TOP2A: variants seen among roughly 807,000 people sequenced by gnomAD.
TOP2A encodes the protein DNA topoisomerase 2-alpha.
A neutral mutation model predicts 187.2 loss-of-function variants in TOP2A; 68 were observed. The observed-to-expected ratio is 0.36, with a 90% CI of 0.30 to 0.44. The LOEUF (loss-of-function observed/expected upper bound fraction) is 0.44, where lower values mean the gene tolerates loss of function less well. Ranked by LOEUF, TOP2A falls within the 20% of genes least tolerant of loss-of-function variation. The pLI is 1.00. For missense variants in TOP2A, 1,196 were observed against 1,808.7 expected (o/e 0.66, Z 6.14); for synonymous variants, 542 against 593.2 (o/e 0.91, Z 1.25).
Position 40,388,864 on chromosome 17 carries a change from A to G in TOP2A, c.*655T>C, listed in dbSNP as rs1476149384. ...CAGAGGGGACAGGTCAAGAGCTGAAATAATCACATAACTACTCTAATTTTC... is the reference window on the plus strand; with the variant it reads ...CAGAGGGGACAGGTCAAGAGCTGAAGTAATCACATAACTACTCTAATTTTC... On this transcript the variant is annotated 3_prime_UTR_variant, in exon 35 of 35. Coordinates refer to ENST00000423485, the MANE Select transcript of TOP2A (RefSeq NM_001067.4). 3 of 200,250 alleles carry G rather than the reference A, an allele frequency of 1.5e-5. No homozygotes were observed. The East Asian group carries it at 2.3e-4, about 15-fold the overall frequency. 12.4% of individuals were successfully genotyped at this position (200,250 alleles called of 1,614,324 possible). A position where few individuals can be genotyped will look rare whatever the true frequency, so the allele number is the denominator to read the frequency against.
At chr17:40,391,993 G>C in intron 32 of TOP2A, 75 bp downstream of exon 32, 1 of 1,466,180 alleles carries the variant, frequency 6.8e-7, no homozygotes, top group South Asian at 1.3e-5. Flanking sequence ...GGATAATGTA[G>C]CCAGGATTAG....
At chr17:40,393,948 C>T (rs557085328) in intron 29 of TOP2A, among the ~76,000 whole-genome samples, 35 of 151,258 alleles carry the variant, frequency 2.3e-4, no homozygotes, top group Non-Finnish European at 4.3e-4. Flanking sequence ...CCCAGCTCCT[C>T]GGGAGGCTGA....
rs191853044 is a variant in TOP2A at position 40,389,023 on chromosome 17, T to C, written c.*496A>G. 1.4e-3 allele frequency: 305 copies of C among 216,140 alleles called. 1 individual carries two copies. The highest frequency in any genetic ancestry group is 2.0e-3 in the Non-Finnish European group (214 of 106,424). The allele number at this position is 216,140 out of a possible 1,614,324, so 13.4% of individuals were successfully genotyped here. ...AAAACTTGGCACATAAGAGGCTGAG[T>C]GTAGTAGAGTATCTGTACTAGAACC... On this transcript the variant is annotated 3_prime_UTR_variant, in exon 35 of 35. Coordinates refer to ENST00000423485, the MANE Select transcript of TOP2A (RefSeq NM_001067.4).
In TOP2A at chr17:40,392,340, T is replaced by C. The variant is rs768606988; in HGVS notation, c.3966A>G (p.Thr1322=). 2 of 1,582,630 alleles carry C rather than the reference T, an allele frequency of 1.3e-6. No individual in the cohort carries two copies. The highest frequency in any genetic ancestry group is 2.3e-5 in the South Asian group (2 of 87,426). Residue 1322 remains threonine, a splice_region_variant and synonymous_variant, in exon 31 of 35, where the codon ACA becomes ACG. Coordinates refer to ENST00000423485, the MANE Select transcript of TOP2A (RefSeq NM_001067.4). ...PRETEPRRAA[T]KTKFTMDLDS... ...CCAAATCCATTGTGAATTTTGTTTTTGCTAGTAAAAAAACCATATACAAAA... is the reference window on the plus strand; with the variant it reads ...CCAAATCCATTGTGAATTTTGTTTTCGCTAGTAAAAAAACCATATACAAAA...
intron 16 of TOP2A, among the ~76,000 whole-genome samples, chr17:40,405,195 T>C (rs1311958595): frequency 6.6e-6 from 1 of 151,094 alleles, no homozygotes; most frequent in Non-Finnish European, 1.5e-5. Context: ...AGTTTCACTC[T>C]TGTGGAATGT....
At chr17:40,401,138 C>G in intron 20 of TOP2A, 57 bp from the exon 21 acceptor site, 1 of 1,452,284 alleles carries the variant, frequency 6.9e-7, no homozygotes, top group East Asian at 2.4e-5. Flanking sequence ...TCACACTTAA[C>G]TTTTATGGAA....
chr17:40,392,207 A>T lies in TOP2A; in HGVS notation c.4088+11T>A. The T allele has an allele frequency of 6.2e-7, 1 of 1,613,140 alleles. No homozygotes were observed. The highest frequency in any genetic ancestry group is 8.5e-7 in the Non-Finnish European group (1 of 1,179,572). ...AATCATGACAAAACCCATATTAGAT[A>T]AGATACTTGCTTTGGGGAAGTTTTG... On this transcript the variant is annotated intron_variant, in intron 31 of 34. Coordinates refer to ENST00000423485, the MANE Select transcript of TOP2A (RefSeq NM_001067.4).
chr17:40,407,403 A>G (rs2035262961), intron 13 of TOP2A, 146 bp downstream of exon 13: 3 of 634,230 alleles, frequency 4.7e-6, no homozygotes, highest in Non-Finnish European at 7.7e-6. Context: ...TACATATGAT[A>G]TAAGCATATC....
intron 24 of TOP2A, 39 bp downstream of exon 24, chr17:40,399,833 C>G (rs2143645535): frequency 6.6e-7 from 1 of 1,525,094 alleles, no homozygotes; most frequent in East Asian, 2.3e-5. Context: ...TTTGGCGTAA[C>G]TAGAGTTTTA....
intron 4 of TOP2A, among the ~76,000 whole-genome samples, chr17:40,413,866 C>T (rs530527097): frequency 3.9e-5 from 6 of 152,166 alleles, no homozygotes; most frequent in South Asian, 2.1e-4. Flanking sequence ...GGCATGGTAG[C>T]GCATGCCTGT....
At position 40,411,273 on chromosome 17, in the gene TOP2A, C is replaced by T. The variant is rs1405978707; in HGVS notation, c.1066-27G>A. 2 of 1,611,914 alleles carry T rather than the reference C, an allele frequency of 1.2e-6. No homozygotes were observed. Among genetic ancestry groups the T allele is most frequent in the Non-Finnish European group, 8.5e-7 (1 of 1,179,274 alleles). ...TGCAATAGAAGTTGATATTAAGCCACTAAAAATGTACTCATGCTTTATTTA... is the reference window on the plus strand; with the variant it reads ...TGCAATAGAAGTTGATATTAAGCCATTAAAAATGTACTCATGCTTTATTTA... On this transcript the variant is annotated intron_variant, in intron 9 of 34. Coordinates refer to ENST00000423485, the MANE Select transcript of TOP2A (RefSeq NM_001067.4). This position sits in a 1 kb window ranked among gnomAD's most constrained non-coding sequence, Gnocchi z 4.4.
intron 16 of TOP2A, among the ~76,000 whole-genome samples, chr17:40,405,378 C>T (rs567310563): frequency 6.6e-5 from 10 of 151,024 alleles, no homozygotes; most frequent in East Asian, 1.9e-4. Context: ...CTTGAACTCC[C>T]GAGCTCAGGT....
intron 27 of TOP2A, among the ~76,000 whole-genome samples, chr17:40,397,554 G>A (rs370207664): frequency 6.6e-6 from 1 of 152,188 alleles, no homozygotes; most frequent in East Asian, 1.9e-4. Context: ...CCAGAGTGCT[G>A]GGATTACAGG....
chr17:40,401,039 C>T lies in TOP2A; in HGVS notation c.2475G>A (p.Thr825=), dbSNP rs754420926. 21 of 1,613,810 alleles carry T rather than the reference C, an allele frequency of 1.3e-5. No homozygotes were observed. The highest frequency in any genetic ancestry group is 1.6e-4 in the Middle Eastern group (1 of 6,062). ...RLLFPPKDDH[T]LKFLYDDNQR... is the part of the protein sequence containing the mutation. ...GGTTGTCATCATATAAAAACTTCAA[C>T]GTGTGATCATCTTTTGGTGGAAATA... is the stretch of plus-strand genomic sequence containing the variant. Residue 825 remains threonine, a synonymous_variant, in exon 21 of 35, where the codon ACG becomes ACA. Transcript: ENST00000423485.
intron 5 of TOP2A, 23 bp from the exon 6 acceptor site, chr17:40,413,315 C>G: frequency 2.6e-6 from 4 of 1,528,402 alleles, no homozygotes; most frequent in Non-Finnish European, 1.8e-6. Flanking sequence ...ATATGAAACA[C>G]TATTTTATTG....
intron 30 of TOP2A, 50 bp from the exon 31 acceptor site, chr17:40,392,391 C>A: frequency 6.5e-7 from 1 of 1,548,022 alleles, no homozygotes; most frequent in African/African-American, 1.4e-5. Context: ...GTAGGAGAAA[C>A]AATTCATAGG....
Position 40,416,857 on chromosome 17 carries a change from T to G in TOP2A, c.60A>C (p.Lys20Asn). Reference protein sequence around the residue: ...NENMQVNKIKKNEDAKKRLSV... With the variant: ...NENMQVNKIKNNEDAKKRLSV... The stretch of plus-strand genomic sequence containing the variant: ...ACAGTCTTTTCTTAGCATCTTCATT[T>G]TTCTTTATTTTGTTGACTTGCATAT... Residue 20 changes from lysine to asparagine, a missense_variant, in exon 2 of 35, where the codon AAA (lysine) becomes AAC (asparagine). By Grantham distance (94) the Lys-to-Asn change is moderately conservative. Transcript: ENST00000423485. 6.2e-7 allele frequency: 1 copy of G among 1,607,084 alleles called. No individual in the cohort carries two copies. Among genetic ancestry groups the G allele is most frequent in the Non-Finnish European group, 8.5e-7 (1 of 1,177,748 alleles).
In TOP2A at chr17:40,398,639, T is replaced by C. The variant is rs1364091484; in HGVS notation, c.3456A>G (p.Glu1152=). 4 of 1,599,668 alleles carry C rather than the reference T, an allele frequency of 2.5e-6. No homozygotes were observed. In the East Asian group the frequency reaches 9.0e-5, roughly 36 times the overall value. Residue 1152 remains glutamate, a splice_region_variant and synonymous_variant, in exon 27 of 35, where the codon GAA becomes GAG. Transcript: ENST00000423485. The part of the protein sequence containing the change: ...DELCRLRNEK[E]QELDTLKRKS... ...TTCTTTTTAATGTGTCCAGCTCTTG[T>C]TCCTTCATAAGATAATTACAAAATT... is the stretch of plus-strand genomic sequence containing the variant.
chr17:40,409,238 G>A (rs1377022041), intron 10 of TOP2A: 1 of 283,210 alleles, frequency 3.5e-6, no homozygotes, highest in East Asian at 1.1e-4. Context: ...CAGGCATGGT[G>A]GTGGTGAAAT....
Sources: gnomAD v4.1 joint callset for allele counts (sites outside exome capture counted in the v4.1 genomes callset) on GRCh38, gnomAD v4.1.1 for gene constraint, Gnocchi (gnomAD v3.1) non-coding constraint, MANE v1.5 for transcripts, NCBI Gene and HGNC (gene_info 2026-07-23, HGNC 2026-07-21) for gene names.